PRR4: variants seen among roughly 807,000 people sequenced by gnomAD.
PRR4 encodes the protein proline rich 4.
In PRR4, 7 loss-of-function variants were observed where a neutral mutation model predicts 7.6. The observed-to-expected ratio is 0.92, with a 90% confidence interval of 0.52 to 1.73. PRR4 has a LOEUF of 1.73. Among genes scored for constraint, PRR4 ranks in the 40% most tolerant of loss-of-function variants. The probability of loss-of-function intolerance (pLI) is 0.00; values close to 1 mark genes in which losing one functional copy is unlikely to be tolerated. For synonymous variants in PRR4, 64 were observed against 58.5 expected, an observed-to-expected ratio of 1.09 and a Z score of -0.43; for missense variants, 187 against 161.0, an observed-to-expected ratio of 1.16 and a Z score of -0.87.
intron 2 of PRR4, 29 bp downstream of exon 2, chr12:10,848,343 G>T (rs780587831): frequency 1.2e-5 from 19 of 1,584,494 alleles, no homozygotes; most frequent in Non-Finnish European, 1.1e-5. Flanking sequence ...AGAAAGAAAA[G>T]AATTGGATTG....
In PRR4 at chr12:10,849,434, G is replaced by A. The variant is rs778096426; in HGVS notation, c.4C>T (p.Leu2=). Residue 2 remains leucine, a synonymous_variant, in exon 1 of 4, where the codon CTG becomes TTG. Transcript: ENST00000228811. ...AGGACCACTGAGAGCAGGACCAGCAGCATCTTGAAGGAGGCTCTGGAGTTG... is the reference window on the plus strand; with the variant it reads ...AGGACCACTGAGAGCAGGACCAGCAACATCTTGAAGGAGGCTCTGGAGTTG... M[L]LVLLSVVLLA... is the part of the protein sequence containing the mutation. 6.2e-7 allele frequency: 1 copy of A among 1,605,312 alleles called. No individual in the cohort carries two copies. Among genetic ancestry groups the A allele is most frequent in the South Asian group, 1.1e-5 (1 of 90,202 alleles).
chr12:10,849,354 T>TA lies in PRR4; in HGVS notation c.64+19dup, dbSNP rs761870266. On this transcript the variant is annotated intron_variant, in intron 1 of 3. Transcript: ENST00000228811. ...TCATCCCACTCCCCATCTCCTTTTT[T>TA]AAAAAAATAATTTTTTTACCATTAT... The TA allele has an allele frequency of 4.5e-6, 7 of 1,557,944 alleles. No individual in the cohort carries two copies. Among genetic ancestry groups the TA allele is most frequent in the Admixed American group, 3.7e-5 (2 of 54,108 alleles).
intron 3 of PRR4, 51 bp from the exon 4 acceptor site, chr12:10,846,001 C>G: frequency 1.7e-6 from 2 of 1,160,880 alleles, no homozygotes; most frequent in South Asian, 2.6e-5. Flanking sequence ...TACAACATGG[C>G]AAAACTTATC....
At chr12:10,845,985 AC>A in intron 3 of PRR4, 35 bp from the exon 4 acceptor site, 1 of 1,265,084 alleles carries the variant, frequency 7.9e-7, no homozygotes, top group Non-Finnish European at 1.0e-6. Context: ...AAATTTATAC[AC>A]AACATACAAC....
chr12:10,849,460 C>A lies in PRR4; in HGVS notation c.-23G>T. The A allele has an allele frequency of 6.3e-7, 1 of 1,575,086 alleles. No individual in the cohort carries two copies. ...CATCTTGAAGGAGGCTCTGGAGTTG[C>A]TCCCAACTCTGCGTTGAGAGAAACA... On this transcript the variant is annotated 5_prime_UTR_variant, in exon 1 of 4. Coordinates refer to ENST00000228811, the MANE Select transcript of PRR4 (RefSeq NM_007244.3).
At chr12:10,848,814 G>A in intron 1 of PRR4, 1 of 173,300 alleles carries the variant, frequency 5.8e-6, no homozygotes, top group Non-Finnish European at 1.2e-5. Context: ...CATGCTGCCT[G>A]CAACATATTG....
chr12:10,848,108 C>T (rs1026723093), intron 2 of PRR4, among the ~76,000 whole-genome samples: 1 of 152,146 alleles, frequency 6.6e-6, no homozygotes, highest in East Asian at 1.9e-4. Flanking sequence ...GTCATTCCAG[C>T]CTGGGAAAAA....
rs751047402 is a variant in PRR4, at chr12:10,847,086, G to T, written c.382C>A (p.Pro128Thr). The T allele has an allele frequency of 5.0e-6, 8 of 1,599,506 alleles. No homozygotes were observed. In the East Asian group the frequency reaches 1.8e-4, roughly 36 times the overall value. ...FFQRDRPARH[P>T]QEQPLW ...GATTACCAGAGTGGTTGCTCCTGGG[G>T]ATGTCTTGCTGGTCTGTCCCTCTGG... is the stretch of plus-strand genomic sequence containing the variant. Residue 128 changes from proline to threonine, a missense_variant, in exon 3 of 4, where the codon CCC becomes ACC. Transcript: ENST00000228811.
chr12:10,846,880 A>T (rs1949024695), intron 3 of PRR4, 165 bp downstream of exon 3: 1 of 620,432 alleles, frequency 1.6e-6, no homozygotes, highest in South Asian at 6.0e-5. Context: ...CTTGTTAAAA[A>T]TACAAGGACT....
At position 10,845,956 on chromosome 12, in the gene PRR4, A is replaced by AT. The variant is rs1180445447; in HGVS notation, c.*19-7_*19-6insA. The AT allele has an allele frequency of 2.2e-6, 3 of 1,339,048 alleles. No homozygotes were observed. Among genetic ancestry groups the AT allele is most frequent in the South Asian group, 1.8e-5 (1 of 55,544 alleles). The allele number at this position is 1,339,048 out of a possible 1,614,324, so 82.9% of individuals were successfully genotyped here. The stretch of plus-strand genomic sequence containing the variant: ...GTTATCTTCTTATTTATTTTCTGAA[A>AT]CAAAAAAAAAAACCAAGGAAATTTA... On this transcript the variant is annotated splice_region_variant and splice_polypyrimidine_tract_variant and intron_variant, in intron 3 of 3. Coordinates refer to ENST00000228811, the MANE Select transcript of PRR4 (RefSeq NM_007244.3).
rs115053876 is a variant in PRR4 at position 10,848,550 on chromosome 12, G to A, written c.65-143C>T. The A allele has an allele frequency of 4.5e-4, 287 of 640,352 alleles. 1 individual carries two copies. The African/African-American group carries it at 4.8e-3, about 11-fold the overall frequency. The allele number at this position is 640,352 out of a possible 1,614,324, so 39.7% of individuals were successfully genotyped here. A position where few individuals can be genotyped will look rare whatever the true frequency, so the allele number is the denominator to read the frequency against. On this transcript the variant is annotated intron_variant, in intron 1 of 3. Coordinates refer to ENST00000228811, the MANE Select transcript of PRR4 (RefSeq NM_007244.3). The stretch of plus-strand genomic sequence containing the variant: ...ATCAACCATGTTCTGTGAAGCTGCT[G>A]GAAGGGGAGGAAGATGTTAGGGGAG...
At chr12:10,846,158 A>T (rs894934201) in intron 3 of PRR4, among the ~76,000 whole-genome samples, 2 of 152,216 alleles carry the variant, frequency 1.3e-5, no homozygotes, top group Non-Finnish European at 1.5e-5. Flanking sequence ...TGTAGTAGTG[A>T]AAAACTAATA....
At chr12:10,848,488 CT>C in intron 1 of PRR4, 81 bp from the exon 2 acceptor site, 1 of 1,329,736 alleles carries the variant, frequency 7.5e-7, no homozygotes, top group Non-Finnish European at 1.1e-6. Context: ...GGAAAGGGGT[CT>C]TCTGGCCACA....
rs955711249 is a variant in PRR4, at chr12:10,848,406, A to C, written c.66T>G (p.Asp22Glu). 1.2e-6 allele frequency: 2 copies of C among 1,611,270 alleles called. No homozygotes were observed. The highest frequency in any genetic ancestry group is 1.7e-6 in the Non-Finnish European group (2 of 1,177,558). Reference sequence around the variant, plus strand: ...TGAAAGTAAAGTCTTCATAGTTCACATCTAGGAAAAGAAGCACAGGATGAA... The same window carrying C: ...TGAAAGTAAAGTCTTCATAGTTCACCTCTAGGAAAAGAAGCACAGGATGAA... Reference protein sequence around the residue: ...ALSSAQSTDNDVNYEDFTFTI... With the variant: ...ALSSAQSTDNEVNYEDFTFTI... The change falls in exon 2 of 4, where the codon GAT becomes GAG. Residue 22 changes from aspartate to glutamate, a missense_variant and splice_region_variant. Transcript: ENST00000228811.
chr12:10,849,474 T>C lies in PRR4; in HGVS notation c.-37A>G. On this transcript the variant is annotated 5_prime_UTR_variant, in exon 1 of 4. Transcript: ENST00000228811. ...CTCTGGAGTTGCTCCCAACTCTGCG[T>C]TGAGAGAAACATGGCAGCTCCCTTT... 1 of 1,526,024 alleles carries C rather than the reference T, an allele frequency of 6.6e-7. No homozygotes were observed. Among genetic ancestry groups the C allele is most frequent in the Non-Finnish European group, 8.9e-7 (1 of 1,121,900 alleles). 94.5% of individuals were successfully genotyped at this position (1,526,024 alleles called of 1,614,324 possible).
rs1949034156 is a variant in PRR4, at chr12:10,847,385, G to T, written c.101-18C>A. ...CTCTACATCTGTGTGAGTAATTAAT[G>T]GACAAGAATGCATGAGCTCAGTGAA... is the stretch of plus-strand genomic sequence containing the variant. On this transcript the variant is annotated intron_variant, in intron 2 of 3. Transcript: ENST00000228811. 13 of 1,458,322 alleles carry T rather than the reference G, an allele frequency of 8.9e-6. No individual in the cohort carries two copies. Among genetic ancestry groups the T allele is most frequent in the Non-Finnish European group, 1.2e-5 (13 of 1,094,236 alleles). 90.3% of individuals were successfully genotyped at this position (1,458,322 alleles called of 1,614,324 possible).
chr12:10,847,220 G>A lies in PRR4; in HGVS notation c.248C>T (p.Pro83Leu), dbSNP rs1197643294. ...CTGATTTTGAAAAGGAGGTGGGGGA[G>A]GATGGCGGTGATGGCCTCCTGGTTT... Reference protein sequence around the residue: ...PPKPGGHHRHPPPPPFQNQQR... With the variant: ...PPKPGGHHRHLPPPPFQNQQR... The change falls in exon 3 of 4, where the codon CCT (proline) becomes CTT (leucine). Residue 83 changes from proline to leucine, a missense_variant. Physicochemically the swap from Pro to Leu is moderately conservative, Grantham distance 98. Transcript: ENST00000228811. The A allele has an allele frequency of 1.2e-6, 2 of 1,613,698 alleles. No individual in the cohort carries two copies. Among genetic ancestry groups the A allele is most frequent in the African/African-American group, 2.7e-5 (2 of 74,886 alleles).
In PRR4 at chr12:10,847,280, C is replaced by G. The variant is rs1339039110; in HGVS notation, c.188G>C (p.Gly63Ala). 1 of 1,610,602 alleles carries G rather than the reference C, an allele frequency of 6.2e-7. No homozygotes were observed. Among genetic ancestry groups the G allele is most frequent in the Non-Finnish European group, 8.5e-7 (1 of 1,177,872 alleles). The change falls in exon 3 of 4, where the codon GGT becomes GCT. Residue 63 changes from glycine to alanine, a missense_variant. Physicochemically the swap from Gly to Ala is moderately conservative, Grantham distance 60 (BLOSUM62 0). Coordinates refer to ENST00000228811, the MANE Select transcript of PRR4 (RefSeq NM_007244.3). ...GLLPRPPGDS[G>A]NQDDGPQQRP... ...CTGCTGAGGACCATCATCTTGGTTA[C>G]CACTATCACCAGGGGGTCTAGGTAG...
At chr12:10,848,767 G>A in intron 1 of PRR4, 1 of 222,014 alleles carries the variant, frequency 4.5e-6, no homozygotes. Context: ...TGCCCAAGAG[G>A]AGCAACCAGG....
Sources: allele counts gnomAD v4.1 joint callset (sites outside exome capture counted in the v4.1 genomes callset), GRCh38; gene constraint gnomAD v4.1.1; transcripts MANE v1.5; gene names NCBI Gene and HGNC (gene_info 2026-07-23, HGNC 2026-07-21).